KCNIP4: variants seen among roughly 807,000 people sequenced by gnomAD.
KCNIP4 encodes the protein potassium voltage-gated channel interacting protein 4.
A neutral mutation model predicts 34.0 loss-of-function variants in KCNIP4; 12 were observed. The ratio of observed to expected loss-of-function variants is 0.35; its 90% CI spans 0.23 to 0.57. KCNIP4 has a LOEUF of 0.57. KCNIP4 is among the 20% of genes least tolerant of loss of function. The pLI, the probability that KCNIP4 is intolerant of heterozygous loss-of-function variation, is 0.83. For synonymous variants in KCNIP4, 124 were observed against 102.2 expected (o/e 1.21, Z -1.29); for missense variants, 238 against 311.7 (o/e 0.76, Z 1.78).
Position 21,461,808 on chromosome 4 carries a change from C to A in KCNIP4, c.61+486763G>T, listed in dbSNP as rs188487115. On this transcript the variant is annotated intron_variant, in intron 1 of 8. Coordinates refer to ENST00000382152, the MANE Select transcript of KCNIP4 (RefSeq NM_025221.6). ...GAGGTTAATGGTGCTAGAAAGAGTC[C>A]CCAGATTCCTCTCCATAAACTTGAT... 4.2e-3 allele frequency among the ~76,000 whole-genome samples: 638 copies of A among 151,936 alleles called. 4 individuals are homozygous for A. The highest frequency in any genetic ancestry group is 6.3e-3 in the Non-Finnish European group (430 of 67,966).
chr4:20,819,993 G>A (rs951649846), intron 3 of KCNIP4, among the ~76,000 whole-genome samples: 2 of 152,200 alleles, frequency 1.3e-5, no homozygotes, highest in Non-Finnish European at 2.9e-5. Flanking sequence ...CTGGTACCAA[G>A]CAGTGGGGTG....
At chr4:21,894,952 C>T (rs1331357317) in intron 1 of KCNIP4, among the ~76,000 whole-genome samples, 1 of 152,122 alleles carries the variant, frequency 6.6e-6, no homozygotes, top group Non-Finnish European at 1.5e-5. Context: ...CTCAGTCTTT[C>T]CTCATTATCC....
chr4:21,932,281 AATT>A (rs1039359198), intron 1 of KCNIP4, among the ~76,000 whole-genome samples: 4 of 152,054 alleles, frequency 2.6e-5, no homozygotes, highest in African/African-American at 9.7e-5. Context: ...AAACAGAAAG[AATT>A]TGCCACTAAC....
chr4:20,883,221 A>T (rs937710551), intron 1 of KCNIP4, among the ~76,000 whole-genome samples: 4 of 152,182 alleles, frequency 2.6e-5, no homozygotes, highest in South Asian at 4.1e-4. Context: ...GCCTTCCTGA[A>T]AATGAGAAAA....
chr4:21,921,793 A>G (rs997002762), intron 1 of KCNIP4, among the ~76,000 whole-genome samples: 2 of 152,150 alleles, frequency 1.3e-5, no homozygotes, highest in African/African-American at 4.8e-5. Context: ...ATAATCTCCT[A>G]ACTCATCCTC....
At chr4:21,305,346 G>C (rs28631135) in intron 1 of KCNIP4, among the ~76,000 whole-genome samples, 1 of 152,286 alleles carries the variant, frequency 6.6e-6, no homozygotes, top group East Asian at 1.9e-4. Context: ...TAACATCTCA[G>C]TGTCTTAATG....
At chr4:21,549,679 C>T (rs962934546) in intron 1 of KCNIP4, among the ~76,000 whole-genome samples, 1 of 152,024 alleles carries the variant, frequency 6.6e-6, no homozygotes, top group African/African-American at 2.4e-5. Context: ...TGGGCTAATA[C>T]ACTACTTCTA....
intron 1 of KCNIP4, among the ~76,000 whole-genome samples, chr4:21,275,314 A>C (rs1160898807): frequency 1.3e-5 from 2 of 152,152 alleles, no homozygotes; most frequent in Non-Finnish European, 2.9e-5. Flanking sequence ...AAGGTCACAC[A>C]CCTGGGCATC....
intron 1 of KCNIP4, among the ~76,000 whole-genome samples, chr4:21,335,384 C>T (rs189859615): frequency 5.9e-5 from 9 of 152,028 alleles, no homozygotes; most frequent in Admixed American, 1.3e-4. Context: ...CTCCCTTGCC[C>T]CTGAAATTTT....
intron 1 of KCNIP4, among the ~76,000 whole-genome samples, chr4:21,946,769 G>T (rs1730534238): frequency 6.6e-6 from 1 of 152,128 alleles, no homozygotes; most frequent in African/African-American, 2.4e-5. Context: ...CATCACTTTG[G>T]TCTCACCTTA....
intron 1 of KCNIP4, among the ~76,000 whole-genome samples, chr4:21,597,428 GA>G (rs976626777): frequency 6.6e-6 from 1 of 152,026 alleles, no homozygotes; most frequent in African/African-American, 2.4e-5. Flanking sequence ...TCAGCAGTGT[GA>G]AAATGGACTA....
At chr4:20,754,441 C>CGTGGAA (rs1754160408) in intron 4 of KCNIP4, among the ~76,000 whole-genome samples, 1 of 152,074 alleles carries the variant, frequency 6.6e-6, no homozygotes, top group Non-Finnish European at 1.5e-5. Flanking sequence ...AGGATGACTC[C>CGTGGAA]GTGGAAGTGT....
At chr4:21,670,096 A>G (rs1308085660) in intron 1 of KCNIP4, among the ~76,000 whole-genome samples, 1 of 152,148 alleles carries the variant, frequency 6.6e-6, no homozygotes, top group African/African-American at 2.4e-5. Context: ...TGATAGAAAA[A>G]TTAATTATCT....
At position 21,287,370 on chromosome 4, in the gene KCNIP4, T is replaced by C. The variant is rs138885302; in HGVS notation, c.62-404661A>G. Among the ~76,000 whole-genome samples the C allele has an allele frequency of 4.3e-3, 649 of 152,274 alleles. 2 individuals carry two copies. Among genetic ancestry groups the C allele is most frequent in the Middle Eastern group, 0.014 (4 of 294 alleles). On this transcript the variant is annotated intron_variant, in intron 1 of 8. Transcript: ENST00000382152. ...TATGTGTGTACTAAACATAGGTCCA[T>C]ATCTCATAATTATTATGCAAAAGCA...
At chr4:21,546,704 T>C (rs1174349840) in intron 1 of KCNIP4, among the ~76,000 whole-genome samples, 1 of 152,160 alleles carries the variant, frequency 6.6e-6, no homozygotes, top group Admixed American at 6.6e-5. Flanking sequence ...TTGTGGAATG[T>C]CTGAGTCTAT....
At chr4:21,074,835 G>C (rs1017209936) in intron 1 of KCNIP4, among the ~76,000 whole-genome samples, 1 of 152,130 alleles carries the variant, frequency 6.6e-6, no homozygotes. Context: ...CTGCTATGTT[G>C]TGTCTTTGTT....
intron 1 of KCNIP4, among the ~76,000 whole-genome samples, chr4:21,575,830 T>A (rs1431939879): frequency 6.6e-6 from 1 of 152,224 alleles, no homozygotes; most frequent in African/African-American, 2.4e-5. Context: ...AAGAAAATTA[T>A]AATTAAATGT....
At chr4:21,701,549 A>G (rs1712843244) in intron 1 of KCNIP4, among the ~76,000 whole-genome samples, 1 of 152,156 alleles carries the variant, frequency 6.6e-6, no homozygotes, top group African/African-American at 2.4e-5. Flanking sequence ...CCAATTAAAA[A>G]CTTAAAAATA....
At chr4:20,894,880 T>C (rs1452883881) in intron 1 of KCNIP4, among the ~76,000 whole-genome samples, 1 of 152,222 alleles carries the variant, frequency 6.6e-6, no homozygotes, top group African/African-American at 2.4e-5. Flanking sequence ...TAAGATGCAA[T>C]GCTCTAACAA....
Sources: gnomAD v4.1 joint callset for allele counts (sites outside exome capture counted in the v4.1 genomes callset) on GRCh38, gnomAD v4.1.1 for gene constraint, MANE v1.5 for transcripts, NCBI Gene and HGNC (gene_info 2026-07-23, HGNC 2026-07-21) for gene names.